PDE6A: variants seen among roughly 807,000 people sequenced by gnomAD.
PDE6A encodes phosphodiesterase 6A.
In PDE6A, 84 loss-of-function variants were observed where a neutral mutation model predicts 106.3. That is an observed-to-expected ratio of 0.79 (90% confidence interval 0.66 to 0.95). PDE6A has a LOEUF of 0.95. Among genes scored for constraint, PDE6A ranks in the 40% least tolerant of loss-of-function variants. The pLI is 0.00. For synonymous variants in PDE6A, 394 were observed against 386.6 expected (o/e 1.02, Z -0.23); for missense variants, 1,052 against 1,084.9 (o/e 0.97, Z 0.43).
At chr5:149,870,341 A>G (rs144285489) in intron 17 of PDE6A, among the ~76,000 whole-genome samples, 2 of 152,230 alleles carry the variant, frequency 1.3e-5, no homozygotes, top group Admixed American at 6.5e-5. Flanking sequence ...AAACACCTTT[A>G]TGCTTTATAA....
chr5:149,898,412 A>G lies in PDE6A; in HGVS notation c.1358T>C (p.Ile453Thr). Residue 453 changes from isoleucine (I) to threonine (T), a missense_variant, in exon 10 of 22, where the codon ATA becomes ACA. This residue lies in a region of PDE6A where 913 missense variants were observed against 915.2 expected (regional missense o/e 1.00). Coordinates refer to ENST00000255266, the MANE Select transcript of PDE6A (RefSeq NM_000440.3). Reference protein sequence around the residue: ...LENRKDIFQDIVKYHVKCDNE... With the variant: ...LENRKDIFQDTVKYHVKCDNE... ...GTCACACTTCACATGATATTTTACT[A>G]TGTCCTGGAAAATATCCTTCCTATT... The G allele has an allele frequency of 6.2e-7, 1 of 1,612,236 alleles. No homozygotes were observed.
chr5:149,878,110 C>G (rs1455775188), intron 17 of PDE6A, among the ~76,000 whole-genome samples: 1 of 152,170 alleles, frequency 6.6e-6, no homozygotes, highest in Non-Finnish European at 1.5e-5. Flanking sequence ...TGAGAGAATG[C>G]TGTGCCTACT....
In PDE6A at chr5:149,921,046, C is replaced by A. The variant is rs150391475; in HGVS notation, c.933+589G>T. 2.7e-4 allele frequency among the ~76,000 whole-genome samples: 41 copies of A among 151,952 alleles called. No homozygotes were observed. In the East Asian group the frequency reaches 3.9e-3, roughly 14 times the overall value. On this transcript the variant is annotated intron_variant, in intron 5 of 21. Coordinates refer to ENST00000255266, the MANE Select transcript of PDE6A (RefSeq NM_000440.3). ...GTAGCCAAGCAAGTGTATCTGTCAG[C>A]TGGAATTGGCTTTCTGGCTACCAAT...
At chr5:149,903,862 C>T (rs763527214) in intron 7 of PDE6A, among the ~76,000 whole-genome samples, 167 bp from the exon 8 acceptor site, 36 of 152,194 alleles carry the variant, frequency 2.4e-4, no homozygotes, top group Non-Finnish European at 5.9e-5. Context: ...ACTGAGGCTA[C>T]TAGACAGAAA....
In PDE6A at chr5:149,868,142, C is replaced by A; in HGVS notation, c.2152G>T (p.Ala718Ser). 2 of 1,614,128 alleles carry A rather than the reference C, an allele frequency of 1.2e-6. No individual in the cohort carries two copies. The highest frequency in any genetic ancestry group is 1.7e-6 in the Non-Finnish European group (2 of 1,180,018). ...KEIVMAMMMTACDLSAITKPW... is the reference protein window; with the variant it reads ...KEIVMAMMMTSCDLSAITKPW... ...TTGGTGATGGCTGAGAGATCACAGGCGGTCATCATCATGGCCCTGGGCACA... is the reference window on the plus strand; with the variant it reads ...TTGGTGATGGCTGAGAGATCACAGGAGGTCATCATCATGGCCCTGGGCACA... Residue 718 changes from alanine (A) to serine (S), a missense_variant, in exon 18 of 22, where the codon GCC (alanine) becomes TCC (serine). Ala to Ser is a moderately conservative substitution (Grantham distance 99). This residue lies in a region of PDE6A where 913 missense variants were observed against 915.2 expected (regional missense o/e 1.00). Coordinates refer to ENST00000255266, the MANE Select transcript of PDE6A (RefSeq NM_000440.3).
chr5:149,884,895 T>C, intron 14 of PDE6A, 28 bp from the exon 15 acceptor site: 1 of 1,539,820 alleles, frequency 6.5e-7, no homozygotes. Flanking sequence ...AGAATCAATA[T>C]GGAGTGGACA....
intron 4 of PDE6A, among the ~76,000 whole-genome samples, chr5:149,930,825 T>A (rs1754011172): frequency 6.6e-6 from 1 of 152,174 alleles, no homozygotes; most frequent in Admixed American, 6.6e-5. Context: ...GTACAGATTG[T>A]TTTCACTCAC....
intron 3 of PDE6A, among the ~76,000 whole-genome samples, chr5:149,931,680 T>G (rs951232840): frequency 6.6e-6 from 1 of 152,242 alleles, no homozygotes; most frequent in Non-Finnish European, 1.5e-5. Context: ...CTGCTTACAG[T>G]GTTTGAGAAA....
Position 149,900,007 on chromosome 5 carries a change from T to C in PDE6A, c.1114-483A>G, listed in dbSNP as rs114859692. On this transcript the variant is annotated intron_variant, in intron 8 of 21. Coordinates refer to ENST00000255266, the MANE Select transcript of PDE6A (RefSeq NM_000440.3). ...GGCCTCAATTTTCTCATCTATAGAA[T>C]GGAAAGAATCTGTGCCTCACTGAAC... Among the ~76,000 whole-genome samples the C allele has an allele frequency of 2.5e-3, 373 of 152,166 alleles. 3 individuals carry two copies. The highest frequency in any genetic ancestry group is 8.5e-3 in the African/African-American group (353 of 41,492).
chr5:149,896,556 C>G, intron 11 of PDE6A, 54 bp from the exon 12 acceptor site: 1 of 1,613,956 alleles, frequency 6.2e-7, no homozygotes, highest in Non-Finnish European at 8.5e-7. Flanking sequence ...TTCTGGGTGC[C>G]CACCTCCTGT....
chr5:149,860,922 A>G lies in PDE6A; in HGVS notation c.2556T>C (p.Thr852=), dbSNP rs768582420. ...PGGNPSPGGA[T]TSKSCCIQ ...ACTGGATGCAGCAGGACTTGGATGTAGTTGCACCCCCTGGGCTGGGGTTTC... is the reference window on the plus strand; with the variant it reads ...ACTGGATGCAGCAGGACTTGGATGTGGTTGCACCCCCTGGGCTGGGGTTTC... Residue 852 remains threonine, a synonymous_variant, in exon 22 of 22, where the codon ACT becomes ACC. Transcript: ENST00000255266. 6.2e-7 allele frequency: 1 copy of G among 1,614,050 alleles called. No individual in the cohort carries two copies. Among genetic ancestry groups the G allele is most frequent in the African/African-American group, 1.3e-5 (1 of 74,930 alleles).
At chr5:149,885,589 A>G (rs1752264895) in intron 14 of PDE6A, among the ~76,000 whole-genome samples, 1 of 152,248 alleles carries the variant, frequency 6.6e-6, no homozygotes. Flanking sequence ...TAAATACGAG[A>G]TGAGTGAATG....
chr5:149,919,854 A>G (rs1054949405), intron 5 of PDE6A, among the ~76,000 whole-genome samples: 3 of 152,228 alleles, frequency 2.0e-5, no homozygotes, highest in Non-Finnish European at 4.4e-5. Flanking sequence ...AATATTTAAA[A>G]CATACACACA....
At chr5:149,893,815 C>T (rs951857187) in intron 13 of PDE6A, among the ~76,000 whole-genome samples, 4 of 152,294 alleles carry the variant, frequency 2.6e-5, no homozygotes, top group Non-Finnish European at 5.9e-5. Flanking sequence ...TGTTCTGTCT[C>T]CCTGATGGTT....
At chr5:149,869,131 A>G (rs1760442170) in intron 17 of PDE6A, among the ~76,000 whole-genome samples, 6 of 152,096 alleles carry the variant, frequency 3.9e-5, no homozygotes. Flanking sequence ...GGAGTTCAAG[A>G]CCAGCCTGGC....
intron 4 of PDE6A, among the ~76,000 whole-genome samples, chr5:149,922,361 G>T (rs1753749527): frequency 1.3e-5 from 2 of 151,722 alleles, no homozygotes; most frequent in Admixed American, 6.6e-5. Context: ...GCCCAGGCTG[G>T]AGTGCAGTGG....
chr5:149,934,742 C>A (rs370748890), intron 1 of PDE6A, 24 bp from the exon 2 acceptor site: 1 of 1,612,772 alleles, frequency 6.2e-7, no homozygotes, highest in Non-Finnish European at 8.5e-7. Context: ...GAGATAAGCA[C>A]GGACAGGCAA....
intron 8 of PDE6A, among the ~76,000 whole-genome samples, chr5:149,901,939 G>A (rs1170390269): frequency 6.6e-6 from 1 of 152,120 alleles, no homozygotes; most frequent in Non-Finnish European, 1.5e-5. Context: ...AGCCTAGCAT[G>A]CTAAACCAAA....
rs1316974722 is a variant in PDE6A, at chr5:149,944,237, T to C, written c.437A>G (p.His146Arg). The C allele has an allele frequency of 6.2e-7, 1 of 1,613,560 alleles. No individual in the cohort carries two copies. The highest frequency in any genetic ancestry group is 8.5e-7 in the Non-Finnish European group (1 of 1,179,948). The part of the protein sequence containing the change: ...LDMGIVGHVA[H>R]SKKIANVPNT... ...GGGGACGTTAGCAATCTTCTTAGAG[T>C]GTGCGACATGGCCCACGATGCCCAT... The change falls in exon 1 of 22, where the codon CAC becomes CGC. Residue 146 changes from histidine (H) to arginine (R), a missense_variant. Physicochemically the swap from His to Arg is conservative, Grantham distance 29. Around this residue, in one of 3 missense-constraint regions of PDE6A, gnomAD observed 913 missense variants for 915.2 expected, o/e 1.00. Coordinates refer to ENST00000255266, the MANE Select transcript of PDE6A (RefSeq NM_000440.3).
Sources: gnomAD v4.1 joint callset for allele counts (sites outside exome capture counted in the v4.1 genomes callset) on GRCh38, gnomAD v4.1.1 for gene constraint, gnomAD v4.1.1 regional missense constraint, MANE v1.5 for transcripts, NCBI Gene and HGNC (gene_info 2026-07-23, HGNC 2026-07-21) for gene names.